TCF20: variants seen among roughly 807,000 people sequenced by gnomAD.
TCF20 encodes SPRE-binding protein.
Under a neutral mutation model 148.6 loss-of-function variants are expected in TCF20, and 3 were observed. The observed-to-expected ratio is 0.02, with a 90% CI of 0.01 to 0.05. The LOEUF (loss-of-function observed/expected upper bound fraction) is 0.05. Ranked by LOEUF, TCF20 falls within the 10% of genes least tolerant of loss-of-function variation. TCF20 has a pLI of 1.00. For synonymous variants in TCF20, 1,049 were observed against 909.5 expected (o/e 1.15, Z -2.76); for missense variants, 2,350 against 2,429.3 (o/e 0.97, Z 0.69).
chr22:42,258,189 T>C (rs900475076), intron 1 of TCF20, among the ~76,000 whole-genome samples: 1 of 152,200 alleles, frequency 6.6e-6, no homozygotes, highest in African/African-American at 2.4e-5. Flanking sequence ...ACTGTTTCCT[T>C]AGTCAGCTCT....
chr22:42,245,284 A>G (rs976617521), intron 1 of TCF20, among the ~76,000 whole-genome samples: 1 of 151,850 alleles, frequency 6.6e-6, no homozygotes, highest in African/African-American at 2.4e-5. Context: ...AGGTCTCACT[A>G]TGCTGCCCAG....
chr22:42,305,823 T>G (rs1251751679), intron 1 of TCF20, among the ~76,000 whole-genome samples: 2 of 130,710 alleles, frequency 1.5e-5, no homozygotes, highest in Non-Finnish European at 1.6e-5. Flanking sequence ...CCCCACCCCA[T>G]CTCCATCCTC....
rs558044572 is a variant in TCF20, at chr22:42,240,700, C to T, written c.-36-25359G>A. On this transcript the variant is annotated intron_variant, in intron 1 of 5. Coordinates refer to ENST00000677622, the MANE Select transcript of TCF20 (RefSeq NM_001378418.1). Reference sequence around the variant, plus strand: ...CTTGCATAGGAGATAACTTATAACTCATAACTCAGTAACGCGCTCCTCACC... The same window carrying T: ...CTTGCATAGGAGATAACTTATAACTTATAACTCAGTAACGCGCTCCTCACC... 5.9e-5 allele frequency among the ~76,000 whole-genome samples: 9 copies of T among 152,266 alleles called. No homozygotes were observed. In the South Asian group the frequency reaches 1.9e-3, roughly 32 times the overall value.
chr22:42,272,456 T>C (rs896302438), upstream of TCF20, among the ~76,000 whole-genome samples: 2 of 152,188 alleles, frequency 1.3e-5, no homozygotes, highest in African/African-American at 4.8e-5. Flanking sequence ...TTCCATTCTT[T>C]CCCTTCTTCA....
chr22:42,268,619 A>G (rs1926421248), intron 1 of TCF20, among the ~76,000 whole-genome samples: 2 of 152,260 alleles, frequency 1.3e-5, no homozygotes, highest in African/African-American at 4.8e-5. Context: ...CCCTGCGTAG[A>G]AAGATCTTGG....
At chr22:42,204,615 C>G (rs1294705643) in intron 2 of TCF20, among the ~76,000 whole-genome samples, 2 of 152,162 alleles carry the variant, frequency 1.3e-5, no homozygotes, top group Non-Finnish European at 2.9e-5. Flanking sequence ...GTGGCTGAGG[C>G]AGGTGGATCA....
chr22:42,248,038 T>C (rs573348649), intron 1 of TCF20, among the ~76,000 whole-genome samples: 1 of 152,290 alleles, frequency 6.6e-6, no homozygotes, highest in South Asian at 2.1e-4. Flanking sequence ...CTAGGAAACA[T>C]GGATGCAGAC....
At chr22:42,173,596 A>C (rs1936266250) in intron 3 of TCF20, among the ~76,000 whole-genome samples, 1 of 152,236 alleles carries the variant, frequency 6.6e-6, no homozygotes, top group Admixed American at 6.5e-5. Flanking sequence ...ATGATTAGAA[A>C]GAAAAGTCCA....
At chr22:42,285,014 G>A (rs1218067526), upstream of TCF20, among the ~76,000 whole-genome samples, 2 of 152,230 alleles carry the variant, frequency 1.3e-5, no homozygotes, top group African/African-American at 4.8e-5. This position sits in a 1 kb window ranked among gnomAD's most constrained non-coding sequence, Gnocchi z 4.2. Flanking sequence ...TTGGCCTGGT[G>A]GGGACTTCCC....
intron 1 of TCF20, among the ~76,000 whole-genome samples, chr22:42,302,386 G>T (rs776462189): frequency 1.3e-5 from 2 of 152,196 alleles, no homozygotes; most frequent in Non-Finnish European, 2.9e-5. Flanking sequence ...CGGGGGCTGA[G>T]CGTACAGAGG....
chr22:42,316,687 C>T (rs989803678), intron 1 of TCF20, among the ~76,000 whole-genome samples: 5 of 152,234 alleles, frequency 3.3e-5, no homozygotes, highest in Admixed American at 2.0e-4. Context: ...CCGCCTTCCT[C>T]GGCCTCCCAA....
At chr22:42,202,648 T>C (rs1165757161) in intron 2 of TCF20, among the ~76,000 whole-genome samples, 1 of 152,186 alleles carries the variant, frequency 6.6e-6, no homozygotes, top group Admixed American at 6.5e-5. Flanking sequence ...TGATCTGCAG[T>C]AGCAAGCCTT....
Position 42,338,600 on chromosome 22 carries a change from C to A in TCF20, c.-37+4879G>T, listed in dbSNP as rs1442695851. Among the ~76,000 whole-genome samples the A allele has an allele frequency of 2.6e-5, 4 of 152,382 alleles. No homozygotes were observed. The East Asian group carries it at 7.7e-4, about 29-fold the overall frequency. On this transcript the variant is annotated intron_variant, in intron 1 of 1. Coordinates refer to the TCF20 transcript ENST00000515426. This position sits in a 1 kb window ranked among gnomAD's most constrained non-coding sequence, Gnocchi z 4.0. ...GCTGGCGAGAGGCTTAATGAAACTG[C>A]TAACGCGTTAGTGATTCCTGCCTGC...
intron 3 of TCF20, among the ~76,000 whole-genome samples, 177 bp downstream of exon 3, chr22:42,179,432 G>GAGGGA (rs1033615317): frequency 6.7e-6 from 1 of 149,724 alleles, no homozygotes; most frequent in Non-Finnish European, 1.5e-5. Context: ...CCAGGGACTG[G>GAGGGA]AGGGAAGGGA....
intron 2 of TCF20, among the ~76,000 whole-genome samples, chr22:42,186,607 C>A (rs1215299704): frequency 6.6e-6 from 1 of 152,142 alleles, no homozygotes; most frequent in African/African-American, 2.4e-5. Flanking sequence ...TGGACACCTG[C>A]TGCTGGTCGT....
chr22:42,332,595 C>T (rs1323467293), intron 1 of TCF20, among the ~76,000 whole-genome samples: 2 of 152,134 alleles, frequency 1.3e-5, no homozygotes, highest in Non-Finnish European at 2.9e-5. Context: ...CCTCCGCCTC[C>T]CGGGCTCAAG....
chr22:42,316,100 T>C (rs1200497824), intron 1 of TCF20, among the ~76,000 whole-genome samples: 3 of 126,184 alleles, frequency 2.4e-5, no homozygotes, highest in African/African-American at 6.3e-5. Context: ...AGAACAAGAC[T>C]CTGTCTCAAA....
chr22:42,259,638 C>T (rs1161800818), intron 1 of TCF20, among the ~76,000 whole-genome samples: 2 of 152,220 alleles, frequency 1.3e-5, no homozygotes, highest in East Asian at 1.9e-4. Flanking sequence ...AATGCCATCA[C>T]CTAGTTTCCC....
chr22:42,317,908 T>G lies in TCF20; in HGVS notation c.-37+25571A>C, dbSNP rs1927662086. On this transcript the variant is annotated intron_variant, in intron 1 of 1. Coordinates refer to the TCF20 transcript ENST00000515426. The surrounding 1 kb of genome is among the most constrained non-coding windows in gnomAD (Gnocchi z 4.2). ...CAGGCGGGGCACCCTCCTGGCTGCCTGCCGTGCATGCCTGTCCATCCCCTG... is the reference window on the plus strand; with the variant it reads ...CAGGCGGGGCACCCTCCTGGCTGCCGGCCGTGCATGCCTGTCCATCCCCTG... Among the ~76,000 whole-genome samples, 1 of 152,188 alleles carries G rather than the reference T, an allele frequency of 6.6e-6. No homozygotes were observed. The highest frequency in any genetic ancestry group is 2.1e-4 in the South Asian group (1 of 4,834).
Sources: gnomAD v4.1 joint callset for allele counts (sites outside exome capture counted in the v4.1 genomes callset) on GRCh38, gnomAD v4.1.1 for gene constraint, Gnocchi (gnomAD v3.1) non-coding constraint, MANE v1.5 for transcripts, NCBI Gene and HGNC (gene_info 2026-07-23, HGNC 2026-07-21) for gene names.